The following ZNF487 variants were observed in gnomAD, a reference collection of about 807,000 sequenced individuals.
The protein encoded by ZNF487 is zinc finger protein 487.
Under a neutral mutation model 3.0 loss-of-function variants are expected in ZNF487, and 4 were observed. That is an observed-to-expected ratio of 1.35 (90% CI 0.66 to 3.08). The LOEUF (loss-of-function observed/expected upper bound fraction) is 3.08. Ranked by LOEUF, ZNF487 falls within the 30% of genes most tolerant of loss-of-function variation. The pLI is 0.01. For missense variants in ZNF487, 146 were observed against 98.7 expected (o/e 1.48, Z -2.03); for synonymous variants, 55 against 34.6 (o/e 1.59, Z -2.06).
intron 1 of ZNF487, among the ~76,000 whole-genome samples, chr10:43,447,003 C>T (rs1839834160): frequency 6.6e-6 from 1 of 152,018 alleles, no homozygotes; most frequent in East Asian, 1.9e-4. Flanking sequence ...ACCAGCCTGG[C>T]CAACACGGCG....
At chr10:43,475,500 G>A (rs185950411) in intron 1 of ZNF487, among the ~76,000 whole-genome samples, 30 of 151,042 alleles carry the variant, frequency 2.0e-4, no homozygotes, top group Admixed American at 1.7e-3. Context: ...GAGTGATAGC[G>A]CAAGACCCCG....
At chr10:43,468,358 A>G (rs1840778590) in intron 1 of ZNF487, among the ~76,000 whole-genome samples, 1 of 152,142 alleles carries the variant, frequency 6.6e-6, no homozygotes, top group African/African-American at 2.4e-5. Context: ...ATTAAACAGC[A>G]TCTCATGCTA....
the ZNF487 span, among the ~76,000 whole-genome samples, chr10:43,492,694 C>T: frequency 1.6e-3 from 239 of 152,222 alleles, no homozygotes; most frequent in African/African-American, 5.7e-3. Context: ...ACCTCGTGAT[C>T]CGCCGGCCTC....
chr10:43,520,001 A>G, the ZNF487 span, among the ~76,000 whole-genome samples: 1 of 152,224 alleles, frequency 6.6e-6, no homozygotes, highest in Non-Finnish European at 1.5e-5. Flanking sequence ...CCTTGCATAT[A>G]TAATAAAGTC....
upstream of ZNF487, chr10:43,437,049 G>C (rs1467075051): frequency 3.0e-6 from 1 of 332,814 alleles, no homozygotes; most frequent in East Asian, 1.3e-4. Flanking sequence ...GGAAGCGCAG[G>C]GAGCGCTGGA....
At chr10:43,468,633 C>T (rs190699331) in intron 1 of ZNF487, among the ~76,000 whole-genome samples, 152 of 136,816 alleles carry the variant, frequency 1.1e-3, no homozygotes, top group African/African-American at 3.9e-3. Flanking sequence ...GAGCTGCGAT[C>T]GCGCCATTGC....
At chr10:43,441,034 A>ATTTTTTTTTTTTTTTTTTTTTTTTTTTTT (rs763451709) in intron 1 of ZNF487, among the ~76,000 whole-genome samples, 1 of 44,544 alleles carries the variant, frequency 2.2e-5, no homozygotes, top group African/African-American at 1.1e-4. Flanking sequence ...ACCTGGTTAA[A>ATTTTTTTTTTTTTTTTTTTTTTTTTTTTT]TTTTTTTTTT....
chr10:43,455,041 C>G (rs890215064), intron 1 of ZNF487, among the ~76,000 whole-genome samples: 1 of 145,356 alleles, frequency 6.9e-6, no homozygotes, highest in South Asian at 2.2e-4. Flanking sequence ...GACAGTCTCG[C>G]TCTGTTGCCC....
At position 43,482,656 on chromosome 10, in the gene ZNF487, A is replaced by G. The variant is rs767214231; in HGVS notation, c.*734A>G. 2.0e-6 allele frequency: 1 copy of G among 493,044 alleles called. No homozygotes were observed. The highest frequency in any genetic ancestry group is 1.5e-5 in the South Asian group (1 of 66,884). 30.5% of individuals were successfully genotyped at this position (493,044 alleles called of 1,614,324 possible). A position where few individuals can be genotyped will look rare whatever the true frequency, so the allele number is the denominator to read the frequency against. On this transcript the variant is annotated 3_prime_UTR_variant, in exon 4 of 4. Transcript: ENST00000437590. ...CATCAGAGAATACATACTGGCGAGA[A>G]ACCCTATGAGTGTAAGGAATGTGGG...
At chr10:43,447,440 C>T (rs1398106851) in intron 1 of ZNF487, among the ~76,000 whole-genome samples, 1 of 152,062 alleles carries the variant, frequency 6.6e-6, no homozygotes, top group Non-Finnish European at 1.5e-5. Context: ...CGGGGTTTCA[C>T]TATGTTGGCC....
chr10:43,494,488 C>G, the ZNF487 span, among the ~76,000 whole-genome samples: 3 of 152,056 alleles, frequency 2.0e-5, no homozygotes, highest in African/African-American at 7.2e-5. Flanking sequence ...CCTTGCATTT[C>G]CTCTTAAGCT....
intron 1 of ZNF487, among the ~76,000 whole-genome samples, chr10:43,447,678 T>C (rs1304430778): frequency 6.6e-6 from 1 of 152,200 alleles, no homozygotes; most frequent in East Asian, 1.9e-4. Context: ...TATACTCATG[T>C]ACTGATCAAT....
chr10:43,462,820 A>T (rs556028507), intron 1 of ZNF487, among the ~76,000 whole-genome samples: 1 of 149,790 alleles, frequency 6.7e-6, no homozygotes, highest in Non-Finnish European at 1.5e-5. Context: ...CCCAGGCTGG[A>T]GTGCAGTGGC....
chr10:43,478,921 T>A (rs1035708771), intron 3 of ZNF487, among the ~76,000 whole-genome samples: 2 of 150,678 alleles, frequency 1.3e-5, no homozygotes, highest in Admixed American at 6.6e-5. Flanking sequence ...TTTTTTTTTT[T>A]AATGAGATGG....
At chr10:43,519,019 T>C in the ZNF487 span, among the ~76,000 whole-genome samples, 4 of 152,208 alleles carry the variant, frequency 2.6e-5, no homozygotes, top group African/African-American at 9.6e-5. Context: ...TCACTTGACA[T>C]TTTTAATTCA....
the ZNF487 span, among the ~76,000 whole-genome samples, chr10:43,504,816 C>T: frequency 6.6e-6 from 1 of 151,472 alleles, no homozygotes; most frequent in African/African-American, 2.4e-5. Flanking sequence ...AAGCAATTCT[C>T]ATGCCTCAGC....
At chr10:43,463,018 T>A (rs945528837) in intron 1 of ZNF487, among the ~76,000 whole-genome samples, 1 of 151,972 alleles carries the variant, frequency 6.6e-6, no homozygotes, top group Non-Finnish European at 1.5e-5. Flanking sequence ...GTGGATCAAC[T>A]GAGGTCGGGA....
At chr10:43,455,051 C>T (rs11238549) in intron 1 of ZNF487, among the ~76,000 whole-genome samples, 1,951 of 150,640 alleles carry the variant, frequency 0.013, 113 homozygotes, top group Admixed American at 0.09. Flanking sequence ...CTCTGTTGCC[C>T]CGTCCGGAGT....
chr10:43,441,237 G>A (rs1269393803), intron 1 of ZNF487, among the ~76,000 whole-genome samples: 4 of 150,752 alleles, frequency 2.7e-5, no homozygotes, highest in Non-Finnish European at 4.4e-5. Context: ...AAAGTGCTGG[G>A]AGTATAGACA....
Sources: gnomAD v4.1 joint callset for allele counts (sites outside exome capture counted in the v4.1 genomes callset) on GRCh38, gnomAD v4.1.1 for gene constraint, MANE v1.5 for transcripts, NCBI Gene and HGNC (gene_info 2026-07-23, HGNC 2026-07-21) for gene names.